The following ANKS1B variants were observed in gnomAD, a reference collection of about 807,000 sequenced individuals.
ANKS1B encodes the protein ankyrin repeat and sterile alpha motif domain containing 1B, also known as ankyrin repeat and sterile alpha motif domain-containing protein 1B.
ANKS1B carries 36 observed loss-of-function variants against 148.3 expected under a neutral mutation model. The ratio of observed to expected loss-of-function variants is 0.24; its 90% CI spans 0.19 to 0.32. The LOEUF (loss-of-function observed/expected upper bound fraction) is 0.32. Ranked by LOEUF, ANKS1B falls within the 10% of genes least tolerant of loss-of-function variation. The pLI, the probability that ANKS1B is intolerant of heterozygous loss-of-function variation, is 1.00. For missense variants in ANKS1B, 1,157 were observed against 1,542.6 expected (o/e 0.75, Z 4.19); for synonymous variants, 542 against 560.8 (o/e 0.97, Z 0.47).
At position 98,832,092 on chromosome 12, in the gene ANKS1B, T is replaced by C; in HGVS notation, c.2823A>G (p.Ala941=). 6.3e-7 allele frequency: 1 copy of C among 1,596,554 alleles called. No homozygotes were observed. Among genetic ancestry groups the C allele is most frequent in the African/African-American group, 1.3e-5 (1 of 74,774 alleles). The change falls in exon 18 of 27, where the codon GCA becomes GCG. Residue 941 remains alanine (A), a synonymous_variant. Transcript: ENST00000683438. ...NLIGHRKRIL[A]SLGDRLHDDP... ...CGTCGTGCAGCCTGTCTCCCAGAGA[T>C]GCCAAAATACGTTTCCTGTGGCCAA... is the stretch of plus-strand genomic sequence containing the variant.
chr12:99,050,745 G>A (rs981026114), intron 17 of ANKS1B, among the ~76,000 whole-genome samples: 1 of 137,102 alleles, frequency 7.3e-6, no homozygotes, highest in African/African-American at 2.7e-5. Context: ...AGGCTGGAGT[G>A]CAGTGGCGCG....
rs540245961 is a variant in ANKS1B at position 98,736,529 on chromosome 12, G to A, written c.691-895C>T. Among the ~76,000 whole-genome samples, 8 of 152,258 alleles carry A rather than the reference G, an allele frequency of 5.3e-5. No homozygotes were observed. The East Asian group carries it at 7.7e-4, about 15-fold the overall frequency. ...ATCCAGGTGGGGATGCTGAGTAGGC[G>A]GGATGCAAGGCTCTGGAGTTCATGG... On this transcript the variant is annotated intron_variant, in intron 9 of 9. Coordinates refer to the ANKS1B transcript ENST00000341752.
intron 9 of ANKS1B, among the ~76,000 whole-genome samples, chr12:99,527,294 A>G (rs942387234): frequency 6.6e-6 from 1 of 152,204 alleles, no homozygotes; most frequent in Non-Finnish European, 1.5e-5. Flanking sequence ...AAAAATAACA[A>G]TTAGGGACTA....
chr12:99,727,636 C>T (rs894947587), intron 8 of ANKS1B, among the ~76,000 whole-genome samples: 9 of 152,146 alleles, frequency 5.9e-5, no homozygotes, highest in African/African-American at 2.2e-4. Context: ...TTAGAAAAAA[C>T]TATTTTAAAT....
chr12:99,257,868 C>G (rs951436895), intron 12 of ANKS1B, among the ~76,000 whole-genome samples: 2 of 152,028 alleles, frequency 1.3e-5, no homozygotes, highest in Non-Finnish European at 2.9e-5. Context: ...GAACAGTGTC[C>G]CAAATAGCAA....
intron 10 of ANKS1B, among the ~76,000 whole-genome samples, chr12:99,468,766 C>T (rs990563318): frequency 1.3e-5 from 2 of 152,044 alleles, no homozygotes; most frequent in Admixed American, 6.6e-5. Context: ...GTTAGAATGG[C>T]AATCATTAAA....
chr12:99,945,656 G>A (rs922683610), intron 1 of ANKS1B, among the ~76,000 whole-genome samples: 2 of 152,194 alleles, frequency 1.3e-5, no homozygotes, highest in African/African-American at 2.4e-5. Context: ...TCTTGTGGAG[G>A]TCATGGGCAC....
At chr12:99,043,112 T>C (rs1044890268) in intron 17 of ANKS1B, among the ~76,000 whole-genome samples, 8 of 152,226 alleles carry the variant, frequency 5.3e-5, no homozygotes, top group African/African-American at 9.6e-5. Context: ...CTTATATTTT[T>C]ATCCCCACAA....
intron 14 of ANKS1B, among the ~76,000 whole-genome samples, chr12:99,236,191 A>G (rs2087884624): frequency 6.6e-6 from 1 of 152,206 alleles, no homozygotes; most frequent in Non-Finnish European, 1.5e-5. Context: ...CTTCAGTACA[A>G]AACTGCAAGG....
rs151220295 is a variant in ANKS1B, at chr12:99,723,880, C to T, written c.1128+49042G>A. On this transcript the variant is annotated intron_variant, in intron 8 of 26. Coordinates refer to ENST00000683438, the MANE Select transcript of ANKS1B (RefSeq NM_001352186.2). ...AGATGAATAGTGCCTGAAGTGAATG[C>T]CCAGCAAACCACAACAGCCCTACAG... Among the ~76,000 whole-genome samples the T allele has an allele frequency of 3.4e-3, 514 of 152,126 alleles. 17 individuals carry two copies. In the South Asian group the frequency reaches 0.049, roughly 15 times the overall value.
intron 8 of ANKS1B, among the ~76,000 whole-genome samples, chr12:99,670,543 A>G (rs1386646167): frequency 6.6e-6 from 1 of 152,128 alleles, no homozygotes; most frequent in African/African-American, 2.4e-5. Context: ...TACTGTCTAC[A>G]AGGCTGAACT....
At chr12:99,027,121 T>A (rs1448684518) in intron 17 of ANKS1B, among the ~76,000 whole-genome samples, 1 of 152,168 alleles carries the variant, frequency 6.6e-6, no homozygotes. Flanking sequence ...GGTTTAACTC[T>A]CCTGAGTATG....
intron 8 of ANKS1B, among the ~76,000 whole-genome samples, chr12:99,761,950 C>T (rs1204635166): frequency 6.6e-6 from 1 of 151,772 alleles, no homozygotes; most frequent in Non-Finnish European, 1.5e-5. Flanking sequence ...TTACAATAAA[C>T]ACACAAAAAA....
At chr12:99,245,620 A>G (rs2090113198) in intron 13 of ANKS1B, among the ~76,000 whole-genome samples, 1 of 152,196 alleles carries the variant, frequency 6.6e-6, no homozygotes, top group Non-Finnish European at 1.5e-5. Context: ...GTGCTTCTAA[A>G]CCTAATCCAA....
intron 8 of ANKS1B, among the ~76,000 whole-genome samples, chr12:99,713,389 A>G (rs1265762361): frequency 6.6e-6 from 1 of 152,204 alleles, no homozygotes; most frequent in Non-Finnish European, 1.5e-5. Flanking sequence ...TTCCTAAATT[A>G]TCAAGTCCTA....
intron 17 of ANKS1B, among the ~76,000 whole-genome samples, chr12:98,832,485 G>T (rs2099327078): frequency 6.6e-6 from 1 of 152,056 alleles, no homozygotes; most frequent in African/African-American, 2.4e-5. Flanking sequence ...GCTTCAGAGG[G>T]ACAGGCTGCC....
At chr12:98,935,938 A>G (rs531909902) in intron 17 of ANKS1B, among the ~76,000 whole-genome samples, 140 of 152,342 alleles carry the variant, frequency 9.2e-4, no homozygotes, top group African/African-American at 3.2e-3. Flanking sequence ...TATTGTGTAT[A>G]AAAAAGTTAG....
intron 17 of ANKS1B, among the ~76,000 whole-genome samples, chr12:98,902,541 A>C (rs903301106): frequency 1.3e-5 from 2 of 152,120 alleles, no homozygotes; most frequent in African/African-American, 4.8e-5. Flanking sequence ...CATATTAGAG[A>C]CTCATACTTG....
intron 9 of ANKS1B, among the ~76,000 whole-genome samples, chr12:99,594,072 A>G (rs748215976): frequency 4.0e-4 from 61 of 151,906 alleles, no homozygotes; most frequent in Non-Finnish European, 7.9e-4. Flanking sequence ...AACTCTCTAA[A>G]TCTCATTCTC....
Sources: gnomAD v4.1 joint callset for allele counts (sites outside exome capture counted in the v4.1 genomes callset) on GRCh38, gnomAD v4.1.1 for gene constraint, MANE v1.5 for transcripts, NCBI Gene and HGNC (gene_info 2026-07-23, HGNC 2026-07-21) for gene names.